The following CLPB variants were observed in gnomAD, a reference collection of about 807,000 sequenced individuals.
CLPB encodes the protein ClpB family mitochondrial disaggregase.
A neutral mutation model predicts 78.4 loss-of-function variants in CLPB; 40 were observed. The ratio of observed to expected loss-of-function variants is 0.51; its 90% confidence interval spans 0.40 to 0.66. The LOEUF is 0.66. Among genes scored for constraint, CLPB ranks in the 30% least tolerant of loss-of-function variants. The pLI is 0.00. For missense variants in CLPB, 780 were observed against 886.9 expected, an observed-to-expected ratio of 0.88 and a Z score of 1.53; for synonymous variants, 333 against 348.0, an observed-to-expected ratio of 0.96 and a Z score of 0.48.
At chr11:72,327,672 G>C (rs900054618) in intron 6 of CLPB, among the ~76,000 whole-genome samples, 3 of 152,144 alleles carry the variant, frequency 2.0e-5, no homozygotes, top group Admixed American at 2.0e-4. Flanking sequence ...TCTAGGGCTG[G>C]TCTCTCAGGC....
chr11:72,393,308 C>G (rs1027238051), intron 3 of CLPB, among the ~76,000 whole-genome samples: 5 of 152,070 alleles, frequency 3.3e-5, no homozygotes, highest in Non-Finnish European at 7.4e-5. Context: ...GGCAAATGAT[C>G]CAGAACAGTA....
At chr11:72,360,556 C>G (rs1168371002) in intron 4 of CLPB, among the ~76,000 whole-genome samples, 2 of 152,052 alleles carry the variant, frequency 1.3e-5, no homozygotes, top group Non-Finnish European at 2.9e-5. Context: ...TCTGCCTTAG[C>G]CTCCCGAGTA....
intron 11 of CLPB, 21 bp downstream of exon 11, chr11:72,301,782 T>C (rs1468404143): frequency 1.2e-6 from 2 of 1,611,340 alleles, no homozygotes; most frequent in South Asian, 2.2e-5. Context: ...CCCCGCTCCA[T>C]CCTGGCCCAA....
At chr11:72,408,783 A>G (rs1488753120) in intron 2 of CLPB, among the ~76,000 whole-genome samples, 1 of 152,116 alleles carries the variant, frequency 6.6e-6, no homozygotes, top group Non-Finnish European at 1.5e-5. Flanking sequence ...AGCAGCCCAG[A>G]AAGTTGGAAT....
chr11:72,372,829 A>C, intron 4 of CLPB: 8 of 1,058,884 alleles, frequency 7.6e-6, no homozygotes, highest in Non-Finnish European at 1.2e-5. Flanking sequence ...GGTGCTGGGT[A>C]GTTAACTTAT....
intron 5 of CLPB, among the ~76,000 whole-genome samples, chr11:72,339,307 G>T (rs930749893): frequency 1.3e-5 from 2 of 152,198 alleles, no homozygotes; most frequent in African/African-American, 4.8e-5. Context: ...GGTTTAGAGG[G>T]CACCTGAGAA....
intron 2 of CLPB, among the ~76,000 whole-genome samples, chr11:72,427,420 G>A (rs964337975): frequency 3.3e-5 from 5 of 152,222 alleles, no homozygotes; most frequent in African/African-American, 1.2e-4. Flanking sequence ...ACCCAACCAT[G>A]TGTAACCTAC....
intron 5 of CLPB, chr11:72,353,035 C>G (rs1051564853): frequency 2.6e-5 from 4 of 152,240 alleles, no homozygotes; most frequent in African/African-American, 9.7e-5. Flanking sequence ...TGAGGCACAG[C>G]TGATTCTCTC....
At chr11:72,430,196 G>A (rs1384003533) in intron 2 of CLPB, 116 bp downstream of exon 2, 2 of 943,510 alleles carry the variant, frequency 2.1e-6, no homozygotes, top group East Asian at 5.1e-5. Context: ...ATGTCACAGG[G>A]GACAGTTCCC....
intron 1 of CLPB, among the ~76,000 whole-genome samples, chr11:72,430,867 A>C (rs1411863627): frequency 6.6e-6 from 1 of 152,162 alleles, no homozygotes; most frequent in Non-Finnish European, 1.5e-5. Context: ...GGTCTCAACT[A>C]GGAGTCTTTG....
At position 72,358,895 on chromosome 11, in the gene CLPB, C is replaced by A. The variant is rs201320770; in HGVS notation, c.760G>T (p.Glu254Ter). The change falls in exon 5 of 16, where the codon GAG (glutamate) becomes TAG (stop). Residue 254 changes from glutamate (E) to a stop codon, truncating the protein, a stop_gained. Coordinates refer to ENST00000538039, the MANE Select transcript of CLPB (RefSeq NM_001258392.3). LOFTEE classifies it high-confidence loss of function. ...VLADDYRTVK[E>*]LLDGGANPLQ... ...CTGCTCTCACCTCCATCAAGCAGCT[C>A]CTTGACAGTGCGGTAGTCATCAGCA... The A allele has an allele frequency of 9.4e-6, 15 of 1,603,086 alleles. No individual in the cohort carries two copies. In the East Asian group the frequency reaches 3.4e-4, roughly 36 times the overall value.
intron 2 of CLPB, among the ~76,000 whole-genome samples, chr11:72,424,743 G>A (rs889389050): frequency 3.2e-4 from 48 of 152,208 alleles, no homozygotes; most frequent in East Asian, 1.9e-4. Flanking sequence ...AAAATTAGCC[G>A]GGCGCGTTGG....
At chr11:72,389,692 G>A (rs1855189249) in intron 3 of CLPB, among the ~76,000 whole-genome samples, 1 of 152,324 alleles carries the variant, frequency 6.6e-6, no homozygotes, top group South Asian at 2.1e-4. Context: ...CTGGGAGACT[G>A]AGGAAGGAGG....
At chr11:72,372,565 C>T (rs1010195578) in intron 4 of CLPB, among the ~76,000 whole-genome samples, 28 of 152,148 alleles carry the variant, frequency 1.8e-4, no homozygotes, top group African/African-American at 6.0e-4. Flanking sequence ...AAGCACAACA[C>T]CACAACTAAT....
chr11:72,288,772 A>G lies in CLPB; in HGVS notation c.*4595T>C, dbSNP rs1217932276. ...CCCTCTTAGAACTTACATTCTAGTG[A>G]TGAAGACACAGAACAAGTAGGACAA... On this transcript the variant is annotated 3_prime_UTR_variant, in exon 16 of 16. Coordinates refer to ENST00000538039, the MANE Select transcript of CLPB (RefSeq NM_001258392.3). 1.3e-5 allele frequency: 2 copies of G among 152,308 alleles called. No individual in the cohort carries two copies. The highest frequency in any genetic ancestry group is 4.8e-5 in the African/African-American group (2 of 41,460). The allele number at this position is 152,308 out of a possible 1,614,324, so 9.4% of individuals were successfully genotyped here. A position where few individuals can be genotyped will look rare whatever the true frequency, so the allele number is the denominator to read the frequency against.
At chr11:72,304,371 G>A (rs903750168) in intron 9 of CLPB, among the ~76,000 whole-genome samples, 3 of 152,176 alleles carry the variant, frequency 2.0e-5, no homozygotes, top group African/African-American at 4.8e-5. Flanking sequence ...GTAAACAGAG[G>A]TCCTGGCCAA....
chr11:72,345,136 A>G (rs1342119615), intron 5 of CLPB, among the ~76,000 whole-genome samples: 2 of 152,206 alleles, frequency 1.3e-5, no homozygotes, highest in African/African-American at 4.8e-5. Flanking sequence ...ATCTAACCAG[A>G]GGACGTATGC....
At chr11:72,368,711 A>G (rs1285245871) in intron 4 of CLPB, among the ~76,000 whole-genome samples, 3 of 152,178 alleles carry the variant, frequency 2.0e-5, no homozygotes, top group African/African-American at 4.8e-5. Context: ...AATGGATGTT[A>G]AGCTTCCTCA....
intron 5 of CLPB, among the ~76,000 whole-genome samples, chr11:72,347,002 A>AC (rs1950528657): frequency 1.3e-5 from 2 of 150,922 alleles, no homozygotes; most frequent in African/African-American, 4.9e-5. Context: ...AAAAAAAAAA[A>AC]AAAAAAAAGG....
Sources: gnomAD v4.1 joint callset for allele counts (sites outside exome capture counted in the v4.1 genomes callset) on GRCh38, gnomAD v4.1.1 for gene constraint, MANE v1.5 for transcripts, NCBI Gene and HGNC (gene_info 2026-07-23, HGNC 2026-07-21) for gene names.